Variants in HHAT observed in about 807,000 individuals in gnomAD.
The protein encoded by HHAT is protein-cysteine N-palmitoyltransferase HHAT.
A neutral mutation model predicts 70.8 loss-of-function variants in HHAT; 47 were observed. The observed-to-expected ratio is 0.66, with a 90% CI of 0.53 to 0.85. HHAT has a LOEUF of 0.85. Ranked by LOEUF, HHAT falls within the 40% of genes least tolerant of loss-of-function variation. The pLI is 0.00. For missense variants in HHAT, 609 were observed against 604.8 expected, an observed-to-expected ratio of 1.01 and a Z score of -0.07; for synonymous variants, 228 against 247.6, an observed-to-expected ratio of 0.92 and a Z score of 0.74.
rs1411726161 is a variant in HHAT at position 210,374,698 on chromosome 1, A to G, written c.159+11779A>G. 3.3e-5 allele frequency among the ~76,000 whole-genome samples: 5 copies of G among 151,948 alleles called. No individual in the cohort carries two copies. The East Asian group carries it at 7.7e-4, about 23-fold the overall frequency. ...TATTTTGAAACAATTACACATTTAC[A>G]GGAAGTTGCAGCAGTAGTACAGAGA... On this transcript the variant is annotated intron_variant, in intron 3 of 11. Coordinates refer to ENST00000261458, the MANE Select transcript of HHAT (RefSeq NM_018194.6).
chr1:210,367,210 G>A (rs1400594988), intron 3 of HHAT, among the ~76,000 whole-genome samples: 2 of 152,214 alleles, frequency 1.3e-5, no homozygotes, highest in Non-Finnish European at 2.9e-5. Context: ...AATTTTATTT[G>A]ATGTTGTCCT....
At chr1:210,410,907 T>C (rs1212659001) in intron 6 of HHAT, among the ~76,000 whole-genome samples, 1 of 152,188 alleles carries the variant, frequency 6.6e-6, no homozygotes. Flanking sequence ...CAGAGAAAAG[T>C]CTAGTCCTTT....
intron 7 of HHAT, among the ~76,000 whole-genome samples, chr1:210,439,081 ATTAC>A (rs1215773871): frequency 1.3e-5 from 2 of 151,802 alleles, no homozygotes; most frequent in African/African-American, 4.9e-5. Flanking sequence ...TATTTAGTCT[ATTAC>A]TTAAGGGGTT....
chr1:210,489,700 T>TTG lies in HHAT; in HGVS notation c.1008-23451_1008-23450dup, dbSNP rs1488790174. On this transcript the variant is annotated intron_variant, in intron 8 of 11. Transcript: ENST00000261458. ...TTATTTGGAGCTTGAAAAGCTGAGG[T>TTG]TGTAGGTTAGGCTTCCTACATGCTG... Among the ~76,000 whole-genome samples the TTG allele has an allele frequency of 3.3e-5, 5 of 152,324 alleles. No homozygotes were observed. The South Asian group carries it at 6.2e-4, about 19-fold the overall frequency.
At chr1:210,593,183 A>G (rs910325024) in intron 10 of HHAT, among the ~76,000 whole-genome samples, 1 of 151,972 alleles carries the variant, frequency 6.6e-6, no homozygotes, top group Non-Finnish European at 1.5e-5. Flanking sequence ...CATTGTTTCA[A>G]TTTTATGTAT....
intron 10 of HHAT, among the ~76,000 whole-genome samples, chr1:210,598,657 C>G (rs1412590999): frequency 6.6e-6 from 1 of 152,174 alleles, no homozygotes; most frequent in Non-Finnish European, 1.5e-5. Flanking sequence ...CTTTCTCCCC[C>G]AAGTGTACAA....
intron 11 of HHAT, among the ~76,000 whole-genome samples, chr1:210,667,883 A>C (rs562937810): frequency 6.6e-6 from 1 of 152,202 alleles, no homozygotes; most frequent in African/African-American, 2.4e-5. Context: ...AAGTACATTC[A>C]TATTGTTATG....
chr1:210,574,499 T>C (rs1657166666), intron 9 of HHAT, among the ~76,000 whole-genome samples: 1 of 152,222 alleles, frequency 6.6e-6, no homozygotes. Context: ...CCCCTGAAGG[T>C]AGGGACTTGC....
intron 9 of HHAT, among the ~76,000 whole-genome samples, chr1:210,576,504 C>T (rs760561474): frequency 9.0e-5 from 10 of 111,458 alleles, no homozygotes; most frequent in Admixed American, 1.3e-4. Context: ...CATCACACAC[C>T]GGGGACTGTT....
intron 9 of HHAT, among the ~76,000 whole-genome samples, chr1:210,556,255 A>G (rs1001265875): frequency 7.2e-5 from 11 of 152,046 alleles, no homozygotes; most frequent in African/African-American, 2.7e-4. Context: ...CTCAAGTGGT[A>G]TCTTTCCCCT....
chr1:210,429,503 C>T (rs77375513), intron 7 of HHAT, among the ~76,000 whole-genome samples: 4 of 151,734 alleles, frequency 2.6e-5, no homozygotes, highest in Admixed American at 6.6e-5. Context: ...TTTAAAATTG[C>T]GTTATTCTTA....
At chr1:210,348,810 G>A in intron 1 of HHAT, 123 bp from the exon 2 acceptor site, 1 of 916,032 alleles carries the variant, frequency 1.1e-6, no homozygotes, top group Admixed American at 2.9e-5. Context: ...GCTTGATTGG[G>A]GTTATGTCTG....
chr1:210,616,204 C>A (rs1321729517), intron 10 of HHAT, among the ~76,000 whole-genome samples: 1 of 151,530 alleles, frequency 6.6e-6, no homozygotes, highest in Non-Finnish European at 1.5e-5. Flanking sequence ...TTAAAATCTA[C>A]TCTCTTAGTG....
chr1:210,507,027 A>G (rs549216015), intron 8 of HHAT, among the ~76,000 whole-genome samples: 1 of 152,350 alleles, frequency 6.6e-6, no homozygotes, highest in East Asian at 1.9e-4. Flanking sequence ...TCCAGTATCT[A>G]GCACAGAATG....
chr1:210,442,845 G>C (rs1347246592), intron 7 of HHAT, among the ~76,000 whole-genome samples: 22 of 152,166 alleles, frequency 1.4e-4, no homozygotes, highest in South Asian at 6.2e-4. Flanking sequence ...TGCAGAAGCT[G>C]TTTAGTTTAA....
intron 2 of HHAT, among the ~76,000 whole-genome samples, chr1:210,356,784 A>T (rs1201178780): frequency 6.6e-6 from 1 of 152,192 alleles, no homozygotes; most frequent in Non-Finnish European, 1.5e-5. Flanking sequence ...TGATTAGAGG[A>T]ACGTGGTTGC....
intron 2 of HHAT, among the ~76,000 whole-genome samples, chr1:210,361,173 G>T (rs2088270296): frequency 6.6e-6 from 1 of 152,222 alleles, no homozygotes; most frequent in Non-Finnish European, 1.5e-5. Flanking sequence ...ACAGAAGCGG[G>T]AAGAGGCAGA....
chr1:210,402,842 A>G lies in HHAT; in HGVS notation c.469-1622A>G, dbSNP rs188648087. On this transcript the variant is annotated intron_variant, in intron 5 of 11. Coordinates refer to ENST00000261458, the MANE Select transcript of HHAT (RefSeq NM_018194.6). ...ATCCAGGTGACAACACTTAGCATTC[A>G]TGTGCCCTGCATCAACACAGTGATG... Among the ~76,000 whole-genome samples the G allele has an allele frequency of 8.4e-4, 128 of 152,306 alleles. 1 individual carries two copies. The highest frequency in any genetic ancestry group is 4.6e-3 in the South Asian group (22 of 4,822).
intron 1 of HHAT, among the ~76,000 whole-genome samples, chr1:210,340,270 A>C (rs1443139008): frequency 2.8e-5 from 4 of 143,552 alleles, no homozygotes; most frequent in Non-Finnish European, 4.5e-5. Context: ...AAAAAAAAAG[A>C]CTCAAGTGGG....
Sources: gnomAD v4.1 joint callset for allele counts (sites outside exome capture counted in the v4.1 genomes callset) on GRCh38, gnomAD v4.1.1 for gene constraint, MANE v1.5 for transcripts, NCBI Gene and HGNC (gene_info 2026-07-23, HGNC 2026-07-21) for gene names.